Variants in PIK3CB observed in about 807,000 individuals in gnomAD.
The protein encoded by PIK3CB is phosphatidylinositol-4,5-bisphosphate 3-kinase catalytic subunit beta.
In PIK3CB, 39 loss-of-function variants were observed where a neutral mutation model predicts 136.8. The observed-to-expected ratio is 0.29, with a 90% CI of 0.22 to 0.37. The LOEUF is 0.37. Among genes scored for constraint, PIK3CB ranks in the 10% least tolerant of loss-of-function variants. PIK3CB has a pLI of 1.00. For missense variants in PIK3CB, 868 were observed against 1,275.4 expected (o/e 0.68, Z 4.87); for synonymous variants, 428 against 436.6 (o/e 0.98, Z 0.25).
chr3:138,663,474 C>T (rs1423851380), intron 21 of PIK3CB, among the ~76,000 whole-genome samples: 1 of 152,142 alleles, frequency 6.6e-6, no homozygotes. Flanking sequence ...CTCCGCCTCC[C>T]AGGTTCAAGT....
intron 1 of PIK3CB, among the ~76,000 whole-genome samples, chr3:138,802,175 A>C (rs1250095428): frequency 1.3e-5 from 2 of 151,246 alleles, no homozygotes; most frequent in Non-Finnish European, 1.5e-5. Flanking sequence ...GGAGTTCAAG[A>C]CCAGCCTGGC....
intron 22 of PIK3CB, 151 bp from the exon 23 acceptor site, chr3:138,656,425 G>T: frequency 2.6e-6 from 2 of 758,690 alleles, no homozygotes; most frequent in South Asian, 4.7e-5. Context: ...TTACTTCTGC[G>T]AAAATTGTCC....
chr3:138,744,749 A>G (rs1278607995), intron 4 of PIK3CB, among the ~76,000 whole-genome samples: 2 of 152,240 alleles, frequency 1.3e-5, no homozygotes, highest in Non-Finnish European at 2.9e-5. Context: ...AATAATCAGA[A>G]GCCTTCTGTC....
rs1300607571 is a variant in PIK3CB, at chr3:138,808,850, AC to A, written c.-121-12284del. Among the ~76,000 whole-genome samples, 7 of 151,888 alleles carry A rather than the reference AC, an allele frequency of 4.6e-5. No individual in the cohort carries two copies. The East Asian group carries it at 1.4e-3, about 29-fold the overall frequency. ...ATTAGACTATATAACATATACTAATACATTTTATATATTTAAAAGTATTTAT... is the reference window on the plus strand; with the variant it reads ...ATTAGACTATATAACATATACTAATAATTTTATATATTTAAAAGTATTTAT... On this transcript the variant is annotated intron_variant, in intron 1 of 23. Coordinates refer to ENST00000674063, the MANE Select transcript of PIK3CB (RefSeq NM_006219.3).
intron 9 of PIK3CB, among the ~76,000 whole-genome samples, chr3:138,713,984 T>A (rs1353994976): frequency 6.6e-6 from 1 of 152,218 alleles, no homozygotes; most frequent in East Asian, 1.9e-4. Flanking sequence ...AATACTGATA[T>A]ATTTCACTCC....
chr3:138,657,286 G>T, intron 22 of PIK3CB: 1 of 161,372 alleles, frequency 6.2e-6, no homozygotes, highest in Non-Finnish European at 1.3e-5. Context: ...CAAGTATTAT[G>T]CTTGGGAACA....
At chr3:138,828,464 C>A (rs533390254) in intron 1 of PIK3CB, among the ~76,000 whole-genome samples, 1 of 152,046 alleles carries the variant, frequency 6.6e-6, no homozygotes, top group African/African-American at 2.4e-5. Context: ...GGATTACAGG[C>A]GTAAACCACA....
chr3:138,730,524 T>G, intron 8 of PIK3CB, among the ~76,000 whole-genome samples: 1 of 152,192 alleles, frequency 6.6e-6, no homozygotes, highest in East Asian at 1.9e-4. Flanking sequence ...TGTTACTACG[T>G]AGATTCTATA....
intron 21 of PIK3CB, among the ~76,000 whole-genome samples, 184 bp from the exon 22 acceptor site, chr3:138,658,019 C>A (rs1465507111): frequency 2.6e-5 from 4 of 152,074 alleles, no homozygotes; most frequent in Non-Finnish European, 5.9e-5. Flanking sequence ...AAGACTTTTA[C>A]AATCAATAAT....
intron 8 of PIK3CB, among the ~76,000 whole-genome samples, chr3:138,723,998 G>A (rs2044785814): frequency 1.3e-5 from 2 of 152,210 alleles, no homozygotes; most frequent in Middle Eastern, 3.4e-3. Context: ...AAATGTGAGG[G>A]TTTTCCTACA....
intron 2 of PIK3CB, among the ~76,000 whole-genome samples, chr3:138,774,380 G>A (rs1011505069): frequency 1.3e-5 from 2 of 152,090 alleles, no homozygotes; most frequent in Admixed American, 1.3e-4. Context: ...CCAAATAATT[G>A]TGGCTCACTG....
chr3:138,819,120 G>A (rs1018501217), intron 1 of PIK3CB, among the ~76,000 whole-genome samples: 1 of 152,146 alleles, frequency 6.6e-6, no homozygotes, highest in East Asian at 1.9e-4. Flanking sequence ...AGGCCAAGGT[G>A]GGTGGTTCAC....
intron 2 of PIK3CB, among the ~76,000 whole-genome samples, chr3:138,765,075 C>A (rs1228487600): frequency 6.6e-6 from 1 of 152,138 alleles, no homozygotes. Context: ...GCCTATAATC[C>A]CACTAGCACT....
At chr3:138,805,629 G>A (rs1363875830) in intron 1 of PIK3CB, among the ~76,000 whole-genome samples, 6 of 151,654 alleles carry the variant, frequency 4.0e-5, no homozygotes, top group Non-Finnish European at 5.9e-5. Flanking sequence ...CCAAGATTGC[G>A]CCACAGCACT....
chr3:138,656,395 TA>T, intron 22 of PIK3CB, 121 bp from the exon 23 acceptor site: 1 of 1,031,234 alleles, frequency 9.7e-7, no homozygotes, highest in South Asian at 1.9e-5. Context: ...CCTACTGAAC[TA>T]AAGGTTCATT....
intron 6 of PIK3CB, among the ~76,000 whole-genome samples, chr3:138,735,997 T>C (rs536517225): frequency 1.3e-5 from 2 of 152,308 alleles, no homozygotes; most frequent in South Asian, 4.1e-4. Context: ...CTCTCCTGTC[T>C]AACCCTGCAC....
At chr3:138,756,099 T>A in intron 3 of PIK3CB, 120 bp from the exon 4 acceptor site, 1 of 461,462 alleles carries the variant, frequency 2.2e-6, no homozygotes, top group South Asian at 5.1e-5. Context: ...AATCAAATGT[T>A]TAGCAATAAA....
chr3:138,719,901 C>CA (rs35361825), intron 8 of PIK3CB, among the ~76,000 whole-genome samples: 38 of 145,182 alleles, frequency 2.6e-4, no homozygotes, highest in African/African-American at 4.8e-4. Context: ...CAAACACTGA[C>CA]AAAAAAAAAG....
At chr3:138,690,243 A>G (rs750555381) in intron 15 of PIK3CB, among the ~76,000 whole-genome samples, 6 of 151,926 alleles carry the variant, frequency 3.9e-5, no homozygotes, top group Middle Eastern at 3.2e-3. Flanking sequence ...AAAAAAGAAG[A>G]AAAGAAGAAA....
Sources: gnomAD v4.1 joint callset for allele counts (sites outside exome capture counted in the v4.1 genomes callset) on GRCh38, gnomAD v4.1.1 for gene constraint, MANE v1.5 for transcripts, NCBI Gene and HGNC (gene_info 2026-07-23, HGNC 2026-07-21) for gene names.